GALNT13: variants seen among roughly 807,000 people sequenced by gnomAD.
GALNT13 encodes polypeptide N-acetylgalactosaminyltransferase 13, also known as UDP-GalNAc:polypeptide N-acetylgalactosaminyltransferase 13.
In GALNT13, 28 loss-of-function variants were observed where a neutral mutation model predicts 64.2. That is an observed-to-expected ratio of 0.44 (90% CI 0.32 to 0.60). The LOEUF (loss-of-function observed/expected upper bound fraction) is 0.60. Ranked by LOEUF, GALNT13 falls within the 20% of genes least tolerant of loss-of-function variation. The probability of loss-of-function intolerance (pLI) is 0.05; values close to 1 mark genes in which losing one functional copy is unlikely to be tolerated. For synonymous variants in GALNT13, 214 were observed against 224.6 expected (o/e 0.95, Z 0.42); for missense variants, 577 against 669.8 (o/e 0.86, Z 1.53).
At chr2:154,432,063 A>G (rs2105450492) in intron 11 of GALNT13, among the ~76,000 whole-genome samples, 1 of 152,342 alleles carries the variant, frequency 6.6e-6, no homozygotes, top group East Asian at 1.9e-4. Context: ...AATTGGCTTT[A>G]TATGTAGTAT....
At chr2:154,364,850 T>G (rs1049338415) in intron 9 of GALNT13, among the ~76,000 whole-genome samples, 1 of 152,158 alleles carries the variant, frequency 6.6e-6, no homozygotes, top group African/African-American at 2.4e-5. Flanking sequence ...TTTGTATATT[T>G]AGTAGAGACG....
the GALNT13 span, among the ~76,000 whole-genome samples, chr2:153,546,234 A>G: frequency 2.1e-4 from 32 of 152,218 alleles, no homozygotes; most frequent in Non-Finnish European, 4.0e-4. Context: ...TTGATAAGTA[A>G]TTATTTGCTT....
chr2:153,636,533 C>A, the GALNT13 span, among the ~76,000 whole-genome samples: 74 of 152,210 alleles, frequency 4.9e-4, no homozygotes, highest in African/African-American at 1.6e-3. Flanking sequence ...TAAATTCAAA[C>A]GTTCTCCCAC....
rs142333128 is a variant in GALNT13 at position 153,915,791 on chromosome 2, A to G, written c.-105+14784A>G. On this transcript the variant is annotated intron_variant, in intron 2 of 12. Transcript: ENST00000392825. ...AGCCTAGCCATCACATTTGTGTTCTATGCAGCAAGAATGAAAAAAAAATGC... is the reference window on the plus strand; with the variant it reads ...AGCCTAGCCATCACATTTGTGTTCTGTGCAGCAAGAATGAAAAAAAAATGC... 4.1e-3 allele frequency among the ~76,000 whole-genome samples: 618 copies of G among 152,260 alleles called. 3 individuals carry two copies. The highest frequency in any genetic ancestry group is 0.014 in the African/African-American group (590 of 41,540).
At chr2:154,374,088 C>A (rs1013744581) in intron 9 of GALNT13, among the ~76,000 whole-genome samples, 1 of 152,162 alleles carries the variant, frequency 6.6e-6, no homozygotes, top group African/African-American at 2.4e-5. Flanking sequence ...CCTTTCCCGG[C>A]TTTCTTCCTT....
In GALNT13 at chr2:154,062,852, G is replaced by GTT. The variant is rs35573109; in HGVS notation, c.143-77476_143-77475dup. ...CAGGATATTTAATTCAACATGGAAT[G>GTT]TTTTTTTTTTCATTTTTTGGCTTTA... On this transcript the variant is annotated intron_variant, in intron 3 of 12. Transcript: ENST00000392825. 3.3e-3 allele frequency among the ~76,000 whole-genome samples: 498 copies of GTT among 149,530 alleles called. 4 individuals are homozygous for GTT. Among genetic ancestry groups the GTT allele is most frequent in the East Asian group, 0.016 (80 of 5,050 alleles).
the GALNT13 span, among the ~76,000 whole-genome samples, chr2:153,329,657 C>T: frequency 6.6e-6 from 1 of 152,044 alleles, no homozygotes; most frequent in Non-Finnish European, 1.5e-5. Flanking sequence ...GTTTAATATC[C>T]TTATAGGCTC....
chr2:154,319,482 G>A (rs1325285329), intron 9 of GALNT13, among the ~76,000 whole-genome samples: 2 of 151,804 alleles, frequency 1.3e-5, no homozygotes, highest in East Asian at 1.9e-4. Flanking sequence ...CCTGGGCAAC[G>A]TGGTGAAACC....
At chr2:154,124,912 T>G (rs924671766) in intron 3 of GALNT13, among the ~76,000 whole-genome samples, 3 of 152,132 alleles carry the variant, frequency 2.0e-5, no homozygotes, top group African/African-American at 7.2e-5. Flanking sequence ...TCAAAAGGAA[T>G]ACTACATAAG....
the GALNT13 span, among the ~76,000 whole-genome samples, chr2:153,554,189 T>A: frequency 6.9e-6 from 1 of 145,096 alleles, no homozygotes; most frequent in Non-Finnish European, 1.5e-5. Context: ...TAGCCAGGCG[T>A]GGTGATGGGT....
At chr2:153,813,428 C>T in the GALNT13 span, among the ~76,000 whole-genome samples, 17 of 152,164 alleles carry the variant, frequency 1.1e-4, no homozygotes, top group Non-Finnish European at 1.3e-4. Flanking sequence ...TGTAGCCATG[C>T]AGCTATAGGT....
At chr2:154,344,104 C>T (rs78697819) in intron 9 of GALNT13, among the ~76,000 whole-genome samples, 3 of 152,022 alleles carry the variant, frequency 2.0e-5, no homozygotes, top group South Asian at 2.1e-4. Context: ...TATTCTGTCT[C>T]TATGATCTTT....
chr2:153,454,507 A>G, the GALNT13 span, among the ~76,000 whole-genome samples: 1 of 152,162 alleles, frequency 6.6e-6, no homozygotes, highest in Non-Finnish European at 1.5e-5. Context: ...GAAACAACCT[A>G]TAAAAAACTG....
intron 3 of GALNT13, among the ~76,000 whole-genome samples, chr2:154,117,218 A>C (rs779134357): frequency 3.9e-5 from 6 of 152,092 alleles, no homozygotes; most frequent in Middle Eastern, 3.4e-3. Flanking sequence ...TCCTTTGGCA[A>C]CACCCTCACA....
chr2:153,555,943 T>C, the GALNT13 span, among the ~76,000 whole-genome samples: 1 of 152,188 alleles, frequency 6.6e-6, no homozygotes, highest in Non-Finnish European at 1.5e-5. Context: ...TGCCTAAAGC[T>C]CGGGAAAAAA....
At chr2:153,572,553 T>TC in the GALNT13 span, among the ~76,000 whole-genome samples, 1 of 152,048 alleles carries the variant, frequency 6.6e-6, no homozygotes, top group Non-Finnish European at 1.5e-5. Flanking sequence ...TTAAAGTTTC[T>TC]CCCCCTCTTT....
At chr2:153,487,110 G>A in the GALNT13 span, among the ~76,000 whole-genome samples, 1 of 152,180 alleles carries the variant, frequency 6.6e-6, no homozygotes, top group Non-Finnish European at 1.5e-5. Context: ...CATCCCAGAA[G>A]CAAAGGAGGA....
intron 3 of GALNT13, among the ~76,000 whole-genome samples, chr2:153,961,402 ATACT>A (rs1460969617): frequency 3.3e-5 from 5 of 152,210 alleles, no homozygotes; most frequent in African/African-American, 1.2e-4. Context: ...TTCTATGCAA[ATACT>A]TAATAAGTTA....
At chr2:153,743,614 A>T in the GALNT13 span, among the ~76,000 whole-genome samples, 3 of 152,174 alleles carry the variant, frequency 2.0e-5, no homozygotes, top group Admixed American at 2.0e-4. Flanking sequence ...GCAAAGAATA[A>T]TAATCACATA....
Sources: allele counts gnomAD v4.1 joint callset (sites outside exome capture counted in the v4.1 genomes callset), GRCh38; gene constraint gnomAD v4.1.1; transcripts MANE v1.5; gene names NCBI Gene and HGNC (gene_info 2026-07-23, HGNC 2026-07-21).